OR9Q1: variants seen among roughly 807,000 people sequenced by gnomAD.
The protein encoded by OR9Q1 is olfactory receptor 9Q1.
For missense variants in OR9Q1, 374 were observed against 378.8 expected, an observed-to-expected ratio of 0.99 and a Z score of 0.11; for synonymous variants, 153 against 148.6, an observed-to-expected ratio of 1.03 and a Z score of -0.22.
intron 2 of OR9Q1, among the ~76,000 whole-genome samples, chr11:58,076,507 C>T (rs1477453887): frequency 6.6e-6 from 1 of 152,216 alleles, no homozygotes; most frequent in African/African-American, 2.4e-5. Context: ...GCAGCTTACT[C>T]CTTCAAGACA....
intron 1 of OR9Q1, among the ~76,000 whole-genome samples, chr11:58,047,845 C>G (rs1435205223): frequency 6.6e-6 from 1 of 152,200 alleles, no homozygotes; most frequent in Admixed American, 6.5e-5. Context: ...GATCTCACCA[C>G]TGCACCCCAG....
At chr11:58,067,468 ACT>A (rs1376402466) in intron 2 of OR9Q1, among the ~76,000 whole-genome samples, 4 of 151,946 alleles carry the variant, frequency 2.6e-5, no homozygotes, top group African/African-American at 4.8e-5. Flanking sequence ...CTGTTTGCAA[ACT>A]CTATTTCAAT....
chr11:58,119,813 A>G (rs1378180344), intron 2 of OR9Q1, among the ~76,000 whole-genome samples: 1 of 152,148 alleles, frequency 6.6e-6, no homozygotes, highest in Non-Finnish European at 1.5e-5. Flanking sequence ...CAGTTGCCGT[A>G]TGAGCCTCCA....
At chr11:58,155,206 T>C (rs2443426) in intron 2 of OR9Q1, among the ~76,000 whole-genome samples, 57,146 of 151,960 alleles carry the variant, frequency 0.38, 11,093 homozygotes, top group Admixed American at 0.45. Flanking sequence ...CATTATTTTT[T>C]GTGAGACCTT....
intron 1 of OR9Q1, among the ~76,000 whole-genome samples, chr11:58,027,495 A>G (rs190339033): frequency 2.0e-5 from 3 of 152,352 alleles, no homozygotes; most frequent in African/African-American, 7.2e-5. Context: ...AAATAAACCC[A>G]CAGAGAAGAA....
Position 58,180,160 on chromosome 11 carries a change from C to T in OR9Q1, c.716C>T (p.Thr239Ile), listed in dbSNP as rs765682436. The change falls in exon 3 of 3, where the codon ACC (threonine) becomes ATC (isoleucine). Residue 239 changes from threonine (T) to isoleucine (I), a missense_variant. By Grantham distance (89) the Thr-to-Ile change is moderately conservative. Coordinates refer to ENST00000335397, the MANE Select transcript of OR9Q1 (RefSeq NM_001005212.4). ...GGAAGCCAGGCCAAGACCTTCTCCA[C>T]CTGCACCTCCCACCTCACTGCTGTG... is the stretch of plus-strand genomic sequence containing the variant. ...PAGSQAKTFSTCTSHLTAVSL... is the reference protein window; with the variant it reads ...PAGSQAKTFSICTSHLTAVSL... The T allele has an allele frequency of 8.1e-6, 13 of 1,613,870 alleles. No individual in the cohort carries two copies. Among genetic ancestry groups the T allele is most frequent in the Non-Finnish European group, 1.1e-5 (13 of 1,179,948 alleles).
intron 2 of OR9Q1, among the ~76,000 whole-genome samples, chr11:58,138,079 C>T (rs949168504): frequency 2.0e-5 from 3 of 152,168 alleles, no homozygotes; most frequent in African/African-American, 7.2e-5. Context: ...CCTCCAGGTG[C>T]TGTTTCCAGC....
chr11:58,029,342 T>C (rs1590541753), intron 1 of OR9Q1, among the ~76,000 whole-genome samples: 1 of 152,164 alleles, frequency 6.6e-6, no homozygotes, highest in Non-Finnish European at 1.5e-5. Context: ...TTCCTCACAC[T>C]ACTGTCACTG....
chr11:58,101,056 G>T (rs914463895), intron 2 of OR9Q1, among the ~76,000 whole-genome samples: 1 of 151,500 alleles, frequency 6.6e-6, no homozygotes, highest in Non-Finnish European at 1.5e-5. Flanking sequence ...TTGGTTAATG[G>T]GTACAAAAAT....
At chr11:58,131,722 AG>A (rs1854143321) in intron 2 of OR9Q1, among the ~76,000 whole-genome samples, 1 of 152,050 alleles carries the variant, frequency 6.6e-6, no homozygotes, top group Non-Finnish European at 1.5e-5. Context: ...CTAGACTTTC[AG>A]GGTATGGAGT....
At chr11:58,034,697 C>G (rs1853078593) in intron 1 of OR9Q1, among the ~76,000 whole-genome samples, 1 of 142,906 alleles carries the variant, frequency 7.0e-6, no homozygotes, top group South Asian at 2.2e-4. Flanking sequence ...GAAGATAGAG[C>G]ATGGAGGAGA....
intron 1 of OR9Q1, chr11:58,031,304 C>T (rs1324137732): frequency 6.2e-7 from 1 of 1,613,990 alleles, no homozygotes; most frequent in Non-Finnish European, 8.5e-7. Context: ...TGAGTGTTTC[C>T]TACTGGCTGC....
intron 2 of OR9Q1, among the ~76,000 whole-genome samples, chr11:58,064,584 C>T (rs772954656): frequency 5.3e-5 from 8 of 152,130 alleles, no homozygotes; most frequent in Non-Finnish European, 1.2e-4. Flanking sequence ...GCTGATTGGA[C>T]AGCAGGGCCA....
intron 2 of OR9Q1, among the ~76,000 whole-genome samples, chr11:58,095,579 T>C (rs1853722682): frequency 2.6e-5 from 4 of 152,200 alleles, no homozygotes; most frequent in African/African-American, 7.2e-5. Flanking sequence ...TTTTTTCATA[T>C]GGCAGCAGGA....
chr11:58,069,982 C>G (rs1010631126), intron 2 of OR9Q1, among the ~76,000 whole-genome samples: 27 of 152,100 alleles, frequency 1.8e-4, no homozygotes, highest in African/African-American at 6.5e-4. Flanking sequence ...TGTGTCCCAG[C>G]ATCACTCTTT....
chr11:58,053,631 T>TATATATATATAAA (rs1554965497), intron 1 of OR9Q1, among the ~76,000 whole-genome samples: 4 of 29,390 alleles, frequency 1.4e-4, no homozygotes. Context: ...ATATATAAAA[T>TATATATATATAAA]ATATATATAT....
chr11:58,119,563 T>A, intron 2 of OR9Q1: 1 of 671,970 alleles, frequency 1.5e-6, no homozygotes, highest in Non-Finnish European at 2.5e-6. Context: ...GGTCTATTTG[T>A]AGAGTTTGTT....
intron 2 of OR9Q1, among the ~76,000 whole-genome samples, chr11:58,175,128 G>C (rs1437455243): frequency 1.0e-5 from 1 of 98,654 alleles, no homozygotes; most frequent in Non-Finnish European, 2.3e-5. Context: ...AAAAAAAAAA[G>C]GAGATTTAGA....
chr11:58,046,108 G>A (rs1176648031), intron 1 of OR9Q1, among the ~76,000 whole-genome samples: 2 of 152,240 alleles, frequency 1.3e-5, no homozygotes, highest in African/African-American at 4.8e-5. Context: ...TCTGTGGTCT[G>A]AGGAAGGAGA....
Sources: allele counts gnomAD v4.1 joint callset (sites outside exome capture counted in the v4.1 genomes callset), GRCh38; gene constraint gnomAD v4.1.1; transcripts MANE v1.5; gene names NCBI Gene and HGNC (gene_info 2026-07-23, HGNC 2026-07-21).